MYO1B: variants seen among roughly 807,000 people sequenced by gnomAD.
MYO1B encodes the protein myosin IB.
A neutral mutation model predicts 159.7 loss-of-function variants in MYO1B; 72 were observed. The observed-to-expected ratio is 0.45, with a 90% CI of 0.37 to 0.55. The LOEUF is 0.55. Among genes scored for constraint, MYO1B ranks in the 20% least tolerant of loss-of-function variants. MYO1B has a pLI of 0.00. For missense variants in MYO1B, 1,062 were observed against 1,364.8 expected (o/e 0.78, Z 3.50); for synonymous variants, 468 against 473.8 (o/e 0.99, Z 0.16).
Position 191,327,626 on chromosome 2 carries a change from C to T in MYO1B, c.252-2309C>T, listed in dbSNP as rs140008802. The stretch of plus-strand genomic sequence containing the variant: ...ATTGTTTTCCACTATCCCCATTATG[C>T]AATGGTGCACAGACTGGGGAATCAG... On this transcript the variant is annotated intron_variant, in intron 3 of 30. Transcript: ENST00000392318. Among the ~76,000 whole-genome samples, 1,158 of 152,282 alleles carry T rather than the reference C, an allele frequency of 7.6e-3. 9 individuals are homozygous for T. The highest frequency in any genetic ancestry group is 0.027 in the African/African-American group (1,106 of 41,546).
At chr2:191,339,563 A>G (rs1692080609) in intron 4 of MYO1B, among the ~76,000 whole-genome samples, 1 of 152,212 alleles carries the variant, frequency 6.6e-6, no homozygotes, top group Non-Finnish European at 1.5e-5. Context: ...CAGTCTTTAA[A>G]GGGAGACAGC....
chr2:191,251,242 T>C (rs1156441879), intron 1 of MYO1B, among the ~76,000 whole-genome samples: 2 of 152,186 alleles, frequency 1.3e-5, no homozygotes, highest in African/African-American at 4.8e-5. Flanking sequence ...TTGTCTGATC[T>C]CTGGTCTCCA....
At chr2:191,402,765 C>T in intron 24 of MYO1B, 47 bp downstream of exon 24, 3 of 1,429,890 alleles carry the variant, frequency 2.1e-6, no homozygotes, top group Non-Finnish European at 1.9e-6. Flanking sequence ...CTTCATAAAG[C>T]CTAGCACCTA....
At chr2:191,326,088 T>TA (rs1394041970) in intron 3 of MYO1B, among the ~76,000 whole-genome samples, 1 of 152,212 alleles carries the variant, frequency 6.6e-6, no homozygotes, top group Admixed American at 6.5e-5. Context: ...TTTACTCCCT[T>TA]ACGCTATCGT....
intron 28 of MYO1B, 92 bp from the exon 29 acceptor site, chr2:191,414,425 A>T: frequency 8.2e-7 from 1 of 1,219,340 alleles, no homozygotes. Flanking sequence ...GTTGAAGGAT[A>T]TTGGAATTTT....
chr2:191,319,634 G>A (rs972210761), intron 3 of MYO1B, among the ~76,000 whole-genome samples: 3 of 152,026 alleles, frequency 2.0e-5, no homozygotes, highest in African/African-American at 7.2e-5. Context: ...TTGAGCCTCC[G>A]GACCACATTA....
At chr2:191,310,046 GT>G (rs577519793) in intron 3 of MYO1B, among the ~76,000 whole-genome samples, 105 of 152,322 alleles carry the variant, frequency 6.9e-4, no homozygotes, top group Non-Finnish European at 1.3e-3. Flanking sequence ...AGAAGACATG[GT>G]TTTGTCTTTA....
chr2:191,422,093 T>C (rs969524715), intron 30 of MYO1B, among the ~76,000 whole-genome samples: 6 of 152,224 alleles, frequency 3.9e-5, no homozygotes, highest in African/African-American at 9.6e-5. Context: ...CTGAAACTAA[T>C]GGATACAGAG....
intron 21 of MYO1B, among the ~76,000 whole-genome samples, chr2:191,400,064 C>A (rs1457896294): frequency 6.6e-6 from 1 of 152,206 alleles, no homozygotes; most frequent in African/African-American, 2.4e-5. Context: ...TCATTGGAAT[C>A]CTCTGGCCCC....
chr2:191,419,968 A>C (rs1226510186), intron 30 of MYO1B, among the ~76,000 whole-genome samples: 3 of 152,204 alleles, frequency 2.0e-5, no homozygotes, highest in Admixed American at 6.5e-5. Flanking sequence ...TGGGAGGCCA[A>C]GGCTGGTGGA....
intron 1 of MYO1B, among the ~76,000 whole-genome samples, chr2:191,261,231 T>A (rs536074752): frequency 6.6e-6 from 1 of 152,284 alleles, no homozygotes; most frequent in African/African-American, 2.4e-5. Flanking sequence ...TATAGTTTAA[T>A]ACAATGATTT....
intron 1 of MYO1B, among the ~76,000 whole-genome samples, chr2:191,276,484 T>A (rs1332043301): frequency 6.6e-6 from 1 of 152,224 alleles, no homozygotes; most frequent in Non-Finnish European, 1.5e-5. Flanking sequence ...GCAGCATCAT[T>A]TTTTATCATC....
intron 3 of MYO1B, among the ~76,000 whole-genome samples, chr2:191,319,975 A>G (rs1222912233): frequency 1.3e-5 from 2 of 152,140 alleles, no homozygotes; most frequent in Admixed American, 6.5e-5. Context: ...AGAAATCCCC[A>G]TTAAGAGGTT....
chr2:191,341,872 A>G (rs1458087878), intron 5 of MYO1B, among the ~76,000 whole-genome samples: 1 of 152,024 alleles, frequency 6.6e-6, no homozygotes, highest in Admixed American at 6.5e-5. Context: ...ATGATGGTGC[A>G]GTGCTGTTTT....
chr2:191,321,376 A>AT (rs1039275989), intron 3 of MYO1B, among the ~76,000 whole-genome samples: 1 of 152,134 alleles, frequency 6.6e-6, no homozygotes, highest in African/African-American at 2.4e-5. Flanking sequence ...GAAATAAGCC[A>AT]TTTTTGCCAA....
At chr2:191,288,007 G>A (rs1396221958) in intron 2 of MYO1B, among the ~76,000 whole-genome samples, 1 of 151,846 alleles carries the variant, frequency 6.6e-6, no homozygotes, top group Admixed American at 6.6e-5. Flanking sequence ...CTCTGTCTGT[G>A]TTTTAATCTG....
At position 191,370,289 on chromosome 2, in the gene MYO1B, C is replaced by G; in HGVS notation, c.1182C>G (p.Phe394Leu). 2.5e-6 allele frequency: 4 copies of G among 1,612,216 alleles called. No homozygotes were observed. Among genetic ancestry groups the G allele is most frequent in the Non-Finnish European group, 2.5e-6 (3 of 1,178,894 alleles). ...GVLDIYGFEI[F>L]EDNSFEQFII... Reference sequence around the variant, plus strand: ...TGGACATTTATGGCTTTGAGATTTTCGAGGTAAGATTTAAAATTTTTTTTG... The same window carrying G: ...TGGACATTTATGGCTTTGAGATTTTGGAGGTAAGATTTAAAATTTTTTTTG... Residue 394 changes from phenylalanine to leucine, a missense_variant, in exon 13 of 31, where the codon TTC becomes TTG. Transcript: ENST00000392318.
chr2:191,272,307 T>C (rs1687499957), intron 1 of MYO1B, among the ~76,000 whole-genome samples: 1 of 152,212 alleles, frequency 6.6e-6, no homozygotes, highest in African/African-American at 2.4e-5. Flanking sequence ...GAGACTGCTT[T>C]TCTGGACTAG....
chr2:191,292,583 A>C (rs1688747424), intron 2 of MYO1B, among the ~76,000 whole-genome samples: 2 of 152,134 alleles, frequency 1.3e-5, no homozygotes, highest in African/African-American at 2.4e-5. Flanking sequence ...GAGACAATAG[A>C]TTGTAAATGT....
Sources: allele counts gnomAD v4.1 joint callset (sites outside exome capture counted in the v4.1 genomes callset), GRCh38; gene constraint gnomAD v4.1.1; transcripts MANE v1.5; gene names NCBI Gene and HGNC (gene_info 2026-07-23, HGNC 2026-07-21).